The following ANO4 variants were observed in gnomAD, a reference collection of about 807,000 sequenced individuals.
ANO4 encodes the protein anoctamin 4, also known as anoctamin-4.
A neutral mutation model predicts 141.9 loss-of-function variants in ANO4; 69 were observed. That is an observed-to-expected ratio of 0.49 (90% CI 0.40 to 0.59). ANO4 has a LOEUF of 0.59. Among genes scored for constraint, ANO4 ranks in the 20% least tolerant of loss-of-function variants. The pLI, the probability that ANO4 is intolerant of heterozygous loss-of-function variation, is 0.00. For synonymous variants in ANO4, 350 were observed against 394.3 expected (o/e 0.89, Z 1.33); for missense variants, 894 against 1,162.2 (o/e 0.77, Z 3.36).
intron 3 of ANO4, among the ~76,000 whole-genome samples, chr12:100,784,978 CT>C (rs1409077637): frequency 3.3e-5 from 5 of 150,896 alleles, no homozygotes; most frequent in Non-Finnish European, 7.4e-5. Flanking sequence ...CTCTCTTTCT[CT>C]TTTTAAACAA....
chr12:100,910,086 G>T (rs1451306409), intron 2 of ANO4, among the ~76,000 whole-genome samples: 1 of 152,136 alleles, frequency 6.6e-6, no homozygotes, highest in Non-Finnish European at 1.5e-5. Flanking sequence ...TTCAGATTTA[G>T]CAGGACATCC....
At chr12:101,095,531 C>T (rs531693949) in intron 18 of ANO4, among the ~76,000 whole-genome samples, 4 of 152,216 alleles carry the variant, frequency 2.6e-5, no homozygotes, top group Non-Finnish European at 5.9e-5. Context: ...TTTGGCCCTC[C>T]GCAACAGTAT....
chr12:101,109,623 TTC>T (rs1431039573), intron 22 of ANO4, among the ~76,000 whole-genome samples: 1 of 152,110 alleles, frequency 6.6e-6, no homozygotes, highest in East Asian at 1.9e-4. Context: ...GCTAAAAAGT[TTC>T]TGTTTTGTAA....
intron 2 of ANO4, among the ~76,000 whole-genome samples, chr12:100,906,270 G>A (rs1033179197): frequency 3.3e-5 from 5 of 152,070 alleles, no homozygotes; most frequent in African/African-American, 1.2e-4. Flanking sequence ...TTGTGATTTG[G>A]TAAAGAGGGT....
intron 1 of ANO4, among the ~76,000 whole-genome samples, chr12:100,819,719 C>T (rs1951231437): frequency 6.6e-6 from 1 of 151,920 alleles, no homozygotes; most frequent in South Asian, 2.1e-4. Context: ...ATACCAATCA[C>T]ATTTTTTCTG....
chr12:100,766,744 G>T (rs1371345705), intron 3 of ANO4, among the ~76,000 whole-genome samples: 1 of 152,084 alleles, frequency 6.6e-6, no homozygotes, highest in Admixed American at 6.5e-5. Flanking sequence ...CTATAGTGTT[G>T]TTCAAGTTTG....
chr12:101,074,906 A>G (rs1019344796), intron 14 of ANO4, among the ~76,000 whole-genome samples: 45 of 152,136 alleles, frequency 3.0e-4, no homozygotes, highest in African/African-American at 1.0e-3. Flanking sequence ...TCTGCGTGCC[A>G]GTTGCTGTGC....
chr12:100,993,241 A>G (rs942995739), intron 8 of ANO4, among the ~76,000 whole-genome samples: 3 of 152,182 alleles, frequency 2.0e-5, no homozygotes, highest in Non-Finnish European at 2.9e-5. Context: ...TTGAAAATAT[A>G]TCTGTATTTA....
At chr12:100,724,208 C>G (rs1215840154) in intron 1 of ANO4, among the ~76,000 whole-genome samples, 1 of 152,206 alleles carries the variant, frequency 6.6e-6, no homozygotes, top group Non-Finnish European at 1.5e-5. Flanking sequence ...GCTTTTGTCA[C>G]AGTGCCTGCT....
At chr12:100,753,653 C>G (rs1358340067) in intron 3 of ANO4, among the ~76,000 whole-genome samples, 2 of 152,172 alleles carry the variant, frequency 1.3e-5, no homozygotes, top group African/African-American at 2.4e-5. Flanking sequence ...ATAACCCACA[C>G]TGTATTTTTT....
rs1004739068 is a variant in ANO4, at chr12:100,746,231, A to G, written c.358+6126A>G. Among the ~76,000 whole-genome samples the G allele has an allele frequency of 2.0e-5, 3 of 152,182 alleles. No homozygotes were observed. In the East Asian group the frequency reaches 5.8e-4, roughly 29 times the overall value. On this transcript the variant is annotated intron_variant, in intron 3 of 29. Coordinates refer to the ANO4 transcript ENST00000644049. The stretch of plus-strand genomic sequence containing the variant: ...CATTTTGGGAGGCTGAGGCAGGCAG[A>G]TCACCTGAGGTCAGGAGTTCAAGAC...
At chr12:100,977,750 T>C (rs1178090466) in intron 7 of ANO4, among the ~76,000 whole-genome samples, 1 of 152,186 alleles carries the variant, frequency 6.6e-6, no homozygotes, top group Non-Finnish European at 1.5e-5. Context: ...ATTCATCTCC[T>C]GAGTAGCAAA....
At chr12:101,101,937 A>G (rs2050204380) in intron 22 of ANO4, among the ~76,000 whole-genome samples, 2 of 152,148 alleles carry the variant, frequency 1.3e-5, no homozygotes, top group South Asian at 4.1e-4. Flanking sequence ...TACAAAAATT[A>G]GCTGGGCGCA....
chr12:100,750,425 T>C (rs1009736742), intron 3 of ANO4, among the ~76,000 whole-genome samples: 5 of 151,996 alleles, frequency 3.3e-5, no homozygotes, highest in Admixed American at 6.6e-5. Context: ...ATTACATGCG[T>C]GAGCCACCAC....
At chr12:100,725,409 C>T (rs1422579925) in intron 1 of ANO4, among the ~76,000 whole-genome samples, 7 of 146,676 alleles carry the variant, frequency 4.8e-5, no homozygotes, top group Admixed American at 2.1e-4. Flanking sequence ...TGCAGTGGCG[C>T]GATCTCTGCT....
chr12:100,907,697 CCTT>C (rs2040910281), intron 2 of ANO4, among the ~76,000 whole-genome samples: 1 of 152,166 alleles, frequency 6.6e-6, no homozygotes, highest in Non-Finnish European at 1.5e-5. Context: ...ATATGACAAT[CCTT>C]CAGTTGTTTA....
At chr12:100,899,246 A>G (rs909371116) in intron 1 of ANO4, among the ~76,000 whole-genome samples, 2 of 152,180 alleles carry the variant, frequency 1.3e-5, no homozygotes, top group Non-Finnish European at 2.9e-5. Context: ...CTTAGAAACA[A>G]CATCTTGGGG....
At chr12:100,792,192 T>C (rs2034069292), upstream of ANO4, among the ~76,000 whole-genome samples, 1 of 152,186 alleles carries the variant, frequency 6.6e-6, no homozygotes, top group South Asian at 2.1e-4. Flanking sequence ...GCTTGAAGAA[T>C]ACTTGTCTTT....
chr12:100,976,865 G>C (rs991003175), intron 7 of ANO4, among the ~76,000 whole-genome samples: 4 of 152,178 alleles, frequency 2.6e-5, no homozygotes, highest in African/African-American at 9.7e-5. Flanking sequence ...ACATGATACT[G>C]TTTCAGTATT....
Sources: gnomAD v4.1 joint callset for allele counts (sites outside exome capture counted in the v4.1 genomes callset) on GRCh38, gnomAD v4.1.1 for gene constraint, MANE v1.5 for transcripts, NCBI Gene and HGNC (gene_info 2026-07-23, HGNC 2026-07-21) for gene names.